ACOXL: variants seen among roughly 807,000 people sequenced by gnomAD.
ACOXL encodes acyl-CoA oxidase like, also known as acyl-coenzyme A oxidase-like protein.
A neutral mutation model predicts 71.9 loss-of-function variants in ACOXL; 70 were observed. The ratio of observed to expected loss-of-function variants is 0.97; its 90% confidence interval spans 0.80 to 1.19. ACOXL has a LOEUF of 1.19. Ranked by LOEUF, ACOXL falls within the 50% of genes most tolerant of loss-of-function variation. The pLI, the probability that ACOXL is intolerant of heterozygous loss-of-function variation, is 0.00. For missense variants in ACOXL, 703 were observed against 736.3 expected (o/e 0.95, Z 0.52); for synonymous variants, 253 against 281.6 (o/e 0.90, Z 1.02).
chr2:110,871,336 A>G (rs1204603615), intron 10 of ACOXL, among the ~76,000 whole-genome samples: 3 of 152,118 alleles, frequency 2.0e-5, no homozygotes, highest in African/African-American at 4.8e-5. Flanking sequence ...TAGGACCATG[A>G]TACTCCACAG....
chr2:111,101,218 T>C (rs1432235577), intron 17 of ACOXL: 2 of 152,536 alleles, frequency 1.3e-5, no homozygotes, highest in Non-Finnish European at 2.9e-5. Flanking sequence ...AGTCACTGCT[T>C]AGTGTCACAA....
At chr2:110,746,033 T>G (rs1678153196) in intron 1 of ACOXL, among the ~76,000 whole-genome samples, 1 of 152,162 alleles carries the variant, frequency 6.6e-6, no homozygotes, top group Non-Finnish European at 1.5e-5. Context: ...TCTTTAAGTC[T>G]CTTCTCTGTA....
At chr2:111,014,063 A>G (rs2064310146) in intron 14 of ACOXL, among the ~76,000 whole-genome samples, 1 of 152,244 alleles carries the variant, frequency 6.6e-6, no homozygotes, top group Non-Finnish European at 1.5e-5. Flanking sequence ...GAGCAGAAAT[A>G]GAAAGGAATT....
In ACOXL at chr2:110,784,724, A is replaced by G. The variant is rs117512281; in HGVS notation, c.76-8A>G. The G allele has an allele frequency of 3.0e-5, 48 of 1,596,172 alleles. No individual in the cohort carries two copies. The East Asian group carries it at 6.7e-4, about 22-fold the overall frequency. ...GAAACCTTGATACTGAGTCTATCAT[A>G]TTTTCAGGCAGAGAAAACAAAGAAT... On this transcript the variant is annotated splice_polypyrimidine_tract_variant and splice_region_variant and intron_variant, in intron 2 of 17. Coordinates refer to ENST00000439055, the MANE Select transcript of ACOXL (RefSeq NM_001142807.4).
At chr2:111,041,282 A>G (rs774381327) in intron 15 of ACOXL, among the ~76,000 whole-genome samples, 41 of 152,164 alleles carry the variant, frequency 2.7e-4, no homozygotes, top group Non-Finnish European at 1.0e-4. Context: ...GGGAGGGCGA[A>G]TCGCTGCAAG....
At chr2:111,000,838 A>G (rs1409771940) in intron 14 of ACOXL, among the ~76,000 whole-genome samples, 1 of 152,208 alleles carries the variant, frequency 6.6e-6, no homozygotes, top group African/African-American at 2.4e-5. Flanking sequence ...TAGCTCTGCA[A>G]AGACCCTATT....
rs1685606221 is a variant in ACOXL at position 110,798,939 on chromosome 2, A to T, written c.461-75A>T. The T allele has an allele frequency of 3.4e-6, 5 of 1,462,242 alleles. No homozygotes were observed. The South Asian group carries it at 5.7e-5, about 17-fold the overall frequency. 90.6% of individuals were successfully genotyped at this position (1,462,242 alleles called of 1,614,324 possible). A position where few individuals can be genotyped will look rare whatever the true frequency, so the allele number is the denominator to read the frequency against. ...ACTGAATGAGTTTGAGGATCACAGA[A>T]ATGTTATACTATTCCAGGACATGAG... On this transcript the variant is annotated intron_variant, in intron 6 of 17. Transcript: ENST00000439055.
intron 10 of ACOXL, among the ~76,000 whole-genome samples, chr2:110,886,454 G>T (rs1697309586): frequency 6.7e-6 from 1 of 148,796 alleles, no homozygotes. Context: ...TTGGCTCACT[G>T]CAGCCTCCAC....
chr2:110,760,334 C>T lies in ACOXL; in HGVS notation c.-22-8034C>T, dbSNP rs533120210. 7.2e-5 allele frequency among the ~76,000 whole-genome samples: 11 copies of T among 152,006 alleles called. No homozygotes were observed. In the South Asian group the frequency reaches 2.1e-3, roughly 29 times the overall value. ...ATTTTTTTTGCATTTTTAGTAGAAA[C>T]GGGGTTTCACCGTGTTAGACAGGAT... On this transcript the variant is annotated intron_variant, in intron 1 of 17. Coordinates refer to ENST00000439055, the MANE Select transcript of ACOXL (RefSeq NM_001142807.4).
In ACOXL at chr2:110,902,540, G is replaced by T. The variant is rs1340222194; in HGVS notation, c.789-6249G>T. On this transcript the variant is annotated intron_variant, in intron 10 of 17. Transcript: ENST00000439055. Reference sequence around the variant, plus strand: ...AGCAGCAGGAATTGTGTGCAGCGAGGTCCCTTCCATGATCCCAAGGTGGAG... The same window carrying T: ...AGCAGCAGGAATTGTGTGCAGCGAGTTCCCTTCCATGATCCCAAGGTGGAG... 2.0e-5 allele frequency among the ~76,000 whole-genome samples: 3 copies of T among 152,306 alleles called. No homozygotes were observed. The East Asian group carries it at 5.8e-4, about 29-fold the overall frequency.
intron 10 of ACOXL, among the ~76,000 whole-genome samples, chr2:110,900,332 C>T (rs1238431473): frequency 6.6e-6 from 1 of 152,016 alleles, no homozygotes; most frequent in Non-Finnish European, 1.5e-5. Context: ...AATGGCTTTC[C>T]TAGATCAAGG....
chr2:110,787,215 T>C (rs1684072053), intron 3 of ACOXL, among the ~76,000 whole-genome samples: 1 of 152,178 alleles, frequency 6.6e-6, no homozygotes, highest in Non-Finnish European at 1.5e-5. Flanking sequence ...GAAATTGGCA[T>C]AGACTTAAAG....
chr2:110,751,157 C>A (rs1393199314), intron 1 of ACOXL, among the ~76,000 whole-genome samples: 1 of 151,908 alleles, frequency 6.6e-6, no homozygotes. Flanking sequence ...AAAAATTAGC[C>A]AGGCATTGTA....
At chr2:110,929,052 C>A (rs577283486) in intron 11 of ACOXL, among the ~76,000 whole-genome samples, 5 of 152,236 alleles carry the variant, frequency 3.3e-5, no homozygotes, top group African/African-American at 1.2e-4. Context: ...AAATTGGTCC[C>A]AGTAGGGTGT....
chr2:110,904,025 G>A (rs1385447713), intron 10 of ACOXL, among the ~76,000 whole-genome samples: 2 of 152,248 alleles, frequency 1.3e-5, no homozygotes, highest in African/African-American at 2.4e-5. Context: ...AGAAGCTTCA[G>A]TAGCCCTCAG....
In ACOXL at chr2:110,986,604, G is replaced by A. The variant is rs529748235; in HGVS notation, c.1060-504G>A. Among the ~76,000 whole-genome samples the A allele has an allele frequency of 5.3e-5, 8 of 152,300 alleles. No homozygotes were observed. The South Asian group carries it at 1.2e-3, about 24-fold the overall frequency. On this transcript the variant is annotated intron_variant, in intron 12 of 17. Transcript: ENST00000439055. ...TAGCCATGGACATCTTCTTTGAACC[G>A]CCACAGAAGAGCATGCAGTATTTTA...
chr2:110,984,328 A>G (rs1179351644), intron 12 of ACOXL, among the ~76,000 whole-genome samples: 3 of 152,206 alleles, frequency 2.0e-5, no homozygotes, highest in Non-Finnish European at 2.9e-5. Flanking sequence ...TCTATGAGGT[A>G]AAACAAGCAC....
At chr2:110,818,423 A>ATGTGTGTGTGTGTG (rs766770172) in intron 9 of ACOXL, among the ~76,000 whole-genome samples, 2 of 137,694 alleles carry the variant, frequency 1.5e-5, no homozygotes, top group African/African-American at 5.6e-5. Flanking sequence ...ATATATATAT[A>ATGTGTGTGTGTGTG]TGTGTGTGTG....
intron 14 of ACOXL, among the ~76,000 whole-genome samples, chr2:111,023,139 G>T (rs751170887): frequency 2.0e-5 from 3 of 152,198 alleles, no homozygotes; most frequent in African/African-American, 7.2e-5. Flanking sequence ...GCTCCGAGAC[G>T]TCCTTCTGTC....
Sources: gnomAD v4.1 joint callset for allele counts (sites outside exome capture counted in the v4.1 genomes callset) on GRCh38, gnomAD v4.1.1 for gene constraint, MANE v1.5 for transcripts, NCBI Gene and HGNC (gene_info 2026-07-23, HGNC 2026-07-21) for gene names.